Variants in CEP112 observed in about 807,000 individuals in gnomAD.
CEP112 encodes the protein centrosomal protein of 112 kDa.
A neutral mutation model predicts 153.0 loss-of-function variants in CEP112; 127 were observed. The ratio of observed to expected loss-of-function variants is 0.83; its 90% CI spans 0.72 to 0.96. The LOEUF is 0.96. Among genes scored for constraint, CEP112 ranks in the 40% least tolerant of loss-of-function variants. The pLI, the probability that CEP112 is intolerant of heterozygous loss-of-function variation, is 0.00. For synonymous variants in CEP112, 358 were observed against 374.4 expected, an observed-to-expected ratio of 0.96 and a Z score of 0.51; for missense variants, 1,089 against 1,101.2, an observed-to-expected ratio of 0.99 and a Z score of 0.16.
At chr17:65,963,822 C>T (rs1185002845) in intron 17 of CEP112, among the ~76,000 whole-genome samples, 5 of 152,106 alleles carry the variant, frequency 3.3e-5, no homozygotes, top group Non-Finnish European at 7.4e-5. Flanking sequence ...TTTTAAACAC[C>T]ACCTTGTGTC....
intron 21 of CEP112, among the ~76,000 whole-genome samples, chr17:65,761,513 C>A (rs757090356): frequency 3.3e-5 from 5 of 151,984 alleles, no homozygotes; most frequent in Non-Finnish European, 5.9e-5. Context: ...TTAGATATTT[C>A]TTCTTGTCTC....
At chr17:65,962,588 T>C (rs2062246038) in intron 17 of CEP112, among the ~76,000 whole-genome samples, 1 of 152,234 alleles carries the variant, frequency 6.6e-6, no homozygotes, top group South Asian at 2.1e-4. Flanking sequence ...TATTGTGCAA[T>C]GGAATTTTAT....
intron 17 of CEP112, among the ~76,000 whole-genome samples, chr17:66,001,479 T>G (rs779594347): frequency 2.6e-5 from 4 of 152,222 alleles, no homozygotes; most frequent in Non-Finnish European, 5.9e-5. Context: ...TCCACATTAG[T>G]GTCAGGGTTA....
Position 65,964,508 on chromosome 17 carries a change from C to G in CEP112, c.1737-2910G>C, listed in dbSNP as rs368083268. 1.1e-4 allele frequency among the ~76,000 whole-genome samples: 16 copies of G among 152,286 alleles called. No homozygotes were observed. The East Asian group carries it at 3.1e-3, about 29-fold the overall frequency. ...ATAATTTGTTTGAATATAAAAATATCTAAATACTAAAACAGCACATGGGAA... is the reference window on the plus strand; with the variant it reads ...ATAATTTGTTTGAATATAAAAATATGTAAATACTAAAACAGCACATGGGAA... On this transcript the variant is annotated intron_variant, in intron 17 of 26. Transcript: ENST00000535342.
chr17:65,858,690 T>C (rs9906897), intron 20 of CEP112, among the ~76,000 whole-genome samples: 1,666 of 152,334 alleles, frequency 0.011, 34 homozygotes, highest in African/African-American at 0.038. Context: ...GCCTACTTCA[T>C]TAACAATTAA....
intron 12 of CEP112, among the ~76,000 whole-genome samples, chr17:66,040,427 A>C (rs970690368): frequency 4.0e-5 from 6 of 151,480 alleles, no homozygotes; most frequent in Admixed American, 6.6e-5. Flanking sequence ...TTAAAATGCA[A>C]GACCTTTATT....
chr17:66,004,036 T>C (rs1485241033), intron 17 of CEP112, among the ~76,000 whole-genome samples: 1 of 151,250 alleles, frequency 6.6e-6, no homozygotes, highest in Non-Finnish European at 1.5e-5. Flanking sequence ...GATAAAGAAA[T>C]TTAAAAAGAA....
At chr17:65,978,647 G>C (rs1171262774) in intron 17 of CEP112, among the ~76,000 whole-genome samples, 1 of 152,186 alleles carries the variant, frequency 6.6e-6, no homozygotes, top group African/African-American at 2.4e-5. Context: ...CCCCATAAGG[G>C]TTACATTTAT....
intron 4 of CEP112, among the ~76,000 whole-genome samples, chr17:66,151,815 C>G (rs1354604300): frequency 6.6e-6 from 1 of 152,170 alleles, no homozygotes; most frequent in East Asian, 1.9e-4. Context: ...GCTGGGACCA[C>G]AACCCCAGTC....
At chr17:66,078,993 G>A (rs957290838) in intron 8 of CEP112, among the ~76,000 whole-genome samples, 7 of 152,066 alleles carry the variant, frequency 4.6e-5, no homozygotes, top group Non-Finnish European at 7.4e-5. Flanking sequence ...TGAAACATAC[G>A]AGGGGCCAAC....
intron 23 of CEP112, among the ~76,000 whole-genome samples, chr17:65,716,313 T>A (rs1275138538): frequency 6.6e-6 from 1 of 152,074 alleles, no homozygotes; most frequent in African/African-American, 2.4e-5. Context: ...CCCGCCACCA[T>A]GCCAGGCTAA....
chr17:66,154,779 T>C (rs1442904627), intron 4 of CEP112, among the ~76,000 whole-genome samples: 1 of 152,060 alleles, frequency 6.6e-6, no homozygotes, highest in African/African-American at 2.4e-5. Context: ...CAAAACTATA[T>C]TAAAATTAAT....
At chr17:65,882,059 G>A (rs898598412) in intron 20 of CEP112, among the ~76,000 whole-genome samples, 1 of 152,170 alleles carries the variant, frequency 6.6e-6, no homozygotes. Context: ...AAATAATTTT[G>A]TACTTACTGA....
At chr17:65,892,048 C>G (rs1476775102) in intron 20 of CEP112, among the ~76,000 whole-genome samples, 1 of 152,184 alleles carries the variant, frequency 6.6e-6, no homozygotes, top group Non-Finnish European at 1.5e-5. Flanking sequence ...CCCAATGCAA[C>G]TGTAATTTCC....
intron 12 of CEP112, among the ~76,000 whole-genome samples, chr17:66,051,145 A>AT (rs1297174758): frequency 6.2e-5 from 1 of 16,230 alleles, no homozygotes; most frequent in African/African-American, 1.3e-4. Flanking sequence ...GGGCCTAGCT[A>AT]ATTTTTTTTT....
chr17:65,756,709 C>T (rs1413184176), intron 21 of CEP112, among the ~76,000 whole-genome samples: 2 of 152,100 alleles, frequency 1.3e-5, no homozygotes, highest in African/African-American at 2.4e-5. Context: ...ATGGAAGCTG[C>T]CCAAGAAGCG....
chr17:65,724,782 G>C (rs1306639717), intron 23 of CEP112, among the ~76,000 whole-genome samples: 2 of 152,148 alleles, frequency 1.3e-5, no homozygotes, highest in East Asian at 1.9e-4. Flanking sequence ...CTGAAATGAA[G>C]TCCACCAACA....
At chr17:66,168,461 ATGTGTGTGTATATATGTATATATG>A (rs2072087301) in intron 4 of CEP112, among the ~76,000 whole-genome samples, 1 of 142,568 alleles carries the variant, frequency 7.0e-6, no homozygotes, top group Non-Finnish European at 1.6e-5. Context: ...ATATATGTAT[ATGTGTGTGTATATATGTATATATG>A]TGTGTGTGTA....
chr17:65,733,915 C>A (rs142961230), intron 23 of CEP112, among the ~76,000 whole-genome samples: 1 of 152,300 alleles, frequency 6.6e-6, no homozygotes, highest in East Asian at 1.9e-4. Flanking sequence ...AACACAAATT[C>A]TTTTTGAAAG....
Sources: allele counts gnomAD v4.1 joint callset (sites outside exome capture counted in the v4.1 genomes callset), GRCh38; gene constraint gnomAD v4.1.1; transcripts MANE v1.5; gene names NCBI Gene and HGNC (gene_info 2026-07-23, HGNC 2026-07-21).